The following FRMD5 variants were observed in gnomAD, a reference collection of about 807,000 sequenced individuals.
FRMD5 encodes the protein FERM domain containing 5.
A neutral mutation model predicts 69.0 loss-of-function variants in FRMD5; 20 were observed. That is an observed-to-expected ratio of 0.29 (90% confidence interval 0.20 to 0.42). FRMD5 has a LOEUF of 0.42. FRMD5 is among the 10% of genes least tolerant of loss of function. The pLI is 1.00. For synonymous variants in FRMD5, 271 were observed against 260.1 expected, an observed-to-expected ratio of 1.04 and a Z score of -0.40; for missense variants, 595 against 708.6, an observed-to-expected ratio of 0.84 and a Z score of 1.82.
chr15:44,057,406 G>A (rs1338044307), intron 1 of FRMD5, among the ~76,000 whole-genome samples: 1 of 152,148 alleles, frequency 6.6e-6, no homozygotes, highest in Non-Finnish European at 1.5e-5. Context: ...ACGCCTGGCT[G>A]AACTGTTCTA....
rs537273432 is a variant in FRMD5, at chr15:44,134,752, G to A, written c.102+60201C>T. ...GGCACGAGCCAACGCGCCCAGCCCCGAGAGGTGTACTTTAGCTAGTCAGTG... is the reference window on the plus strand; with the variant it reads ...GGCACGAGCCAACGCGCCCAGCCCCAAGAGGTGTACTTTAGCTAGTCAGTG... On this transcript the variant is annotated intron_variant, in intron 1 of 13. Coordinates refer to ENST00000417257, the MANE Select transcript of FRMD5 (RefSeq NM_032892.5). Among the ~76,000 whole-genome samples the A allele has an allele frequency of 1.2e-4, 19 of 152,154 alleles. No homozygotes were observed. In the East Asian group the frequency reaches 1.9e-3, roughly 15 times the overall value.
Position 43,909,862 on chromosome 15 carries a change from A to T in FRMD5, c.427+20T>A, listed in dbSNP as rs768582107. On this transcript the variant is annotated intron_variant, in intron 5 of 13. Transcript: ENST00000417257. ...AGTACTTGGCATGAAAAGCAAACTT[A>T]TCCTGTCAAAAGTCATTACCTTGAA... 1 of 1,497,670 alleles carries T rather than the reference A, an allele frequency of 6.7e-7. No homozygotes were observed. Among genetic ancestry groups the T allele is most frequent in the Non-Finnish European group, 9.3e-7 (1 of 1,077,136 alleles). 92.8% of individuals were successfully genotyped at this position (1,497,670 alleles called of 1,614,324 possible).
At chr15:43,970,183 T>C (rs770147094) in intron 1 of FRMD5, among the ~76,000 whole-genome samples, 3 of 152,244 alleles carry the variant, frequency 2.0e-5, no homozygotes, top group Non-Finnish European at 4.4e-5. Flanking sequence ...GATAAATCTC[T>C]ATTCTCAGAA....
chr15:44,156,197 G>A (rs1460854273), intron 1 of FRMD5, among the ~76,000 whole-genome samples: 1 of 152,034 alleles, frequency 6.6e-6, no homozygotes, highest in African/African-American at 2.4e-5. Flanking sequence ...AGACAGGAGT[G>A]CAGTGGCATG....
chr15:43,889,020 C>A, intron 8 of FRMD5, 148 bp from the exon 9 acceptor site: 1 of 663,982 alleles, frequency 1.5e-6, no homozygotes, highest in Non-Finnish European at 2.7e-6. Context: ...AAGACAGCAG[C>A]GCAGTGGCCT....
chr15:44,026,501 T>C (rs544013626), intron 1 of FRMD5, among the ~76,000 whole-genome samples: 2 of 152,374 alleles, frequency 1.3e-5, no homozygotes, highest in East Asian at 3.9e-4. Flanking sequence ...AAAAGTGATT[T>C]GGCCCTACAT....
intron 1 of FRMD5, among the ~76,000 whole-genome samples, chr15:44,077,311 G>T (rs1466408085): frequency 6.6e-6 from 1 of 151,996 alleles, no homozygotes; most frequent in South Asian, 2.1e-4. Flanking sequence ...TCTGGAGTAG[G>T]AATATTACTA....
At position 44,189,734 on chromosome 15, in the gene FRMD5, C is replaced by T. The variant is rs537532836; in HGVS notation, c.102+5219G>A. Among the ~76,000 whole-genome samples, 7 of 152,186 alleles carry T rather than the reference C, an allele frequency of 4.6e-5. No homozygotes were observed. The South Asian group carries it at 1.0e-3, about 23-fold the overall frequency. On this transcript the variant is annotated intron_variant, in intron 1 of 13. Transcript: ENST00000417257. ...CTCAAACTCCTGATCTCAAGTGATC[C>T]TCCCACCTCAGCCTACCAAATTGCC...
intron 1 of FRMD5, among the ~76,000 whole-genome samples, chr15:44,058,603 A>G (rs969361763): frequency 1.3e-5 from 2 of 152,026 alleles, no homozygotes; most frequent in Non-Finnish European, 2.9e-5. Context: ...TGGCTAACAC[A>G]GTGAAACCCC....
At position 44,143,924 on chromosome 15, in the gene FRMD5, C is replaced by CA. The variant is rs58823511; in HGVS notation, c.102+51028dup. ...GGGCGACAGACTGAGACTCTGTCAC[C>CA]AAAAAAAAAAAAAAAAAAGGAAAAG... On this transcript the variant is annotated intron_variant, in intron 1 of 13. Transcript: ENST00000417257. Among the ~76,000 whole-genome samples the CA allele has an allele frequency of 8.8e-3, 812 of 92,696 alleles. 27 individuals are homozygous for CA. Among genetic ancestry groups the CA allele is most frequent in the African/African-American group, 0.031 (744 of 23,926 alleles). 60.8% of individuals were successfully genotyped at this position (92,696 alleles called of 152,430 possible).
intron 1 of FRMD5, among the ~76,000 whole-genome samples, chr15:43,979,906 G>T (rs2090522343): frequency 6.6e-6 from 1 of 152,196 alleles, no homozygotes. Context: ...GGGCGATGCT[G>T]TGAAAATAAA....
chr15:43,918,062 C>A (rs868826677), intron 4 of FRMD5, among the ~76,000 whole-genome samples: 3 of 152,216 alleles, frequency 2.0e-5, no homozygotes, highest in Non-Finnish European at 2.9e-5. Context: ...CTCCTCTCCC[C>A]ATTTCCTGAT....
intron 1 of FRMD5, among the ~76,000 whole-genome samples, chr15:44,068,071 A>G (rs145006697): frequency 1.3e-5 from 2 of 152,318 alleles, no homozygotes; most frequent in African/African-American, 4.8e-5. Context: ...AAAAACACAA[A>G]TGGACATAAT....
At chr15:43,996,715 A>ATTTTTT (rs11397296) in intron 1 of FRMD5, among the ~76,000 whole-genome samples, 163 of 86,016 alleles carry the variant, frequency 1.9e-3, no homozygotes, top group East Asian at 2.9e-3. Context: ...TCCTCAGCTG[A>ATTTTTT]TTTTTTTTTT....
intron 1 of FRMD5, among the ~76,000 whole-genome samples, chr15:43,997,392 G>A (rs1008641852): frequency 7.9e-5 from 12 of 152,108 alleles, no homozygotes; most frequent in African/African-American, 2.4e-4. Context: ...GAACAAAAAC[G>A]GATCAAGCTC....
At chr15:44,016,672 G>A (rs1197952444) in intron 1 of FRMD5, among the ~76,000 whole-genome samples, 1 of 151,344 alleles carries the variant, frequency 6.6e-6, no homozygotes, top group South Asian at 2.1e-4. Flanking sequence ...GCAGTGAGCC[G>A]AGATTACACC....
intron 1 of FRMD5, among the ~76,000 whole-genome samples, chr15:43,926,263 C>A (rs778032475): frequency 1.3e-5 from 2 of 152,200 alleles, no homozygotes; most frequent in Non-Finnish European, 2.9e-5. Context: ...CTGGAGCCTG[C>A]ACAGCATCCA....
Position 44,124,924 on chromosome 15 carries a change from G to GACC in FRMD5, c.102+70026_102+70028dup, listed in dbSNP as rs1229749915. ...AGATCGCTTGAGCCCAGGAGTTCCAGACCAGCCTGGGCAATATAGTGAGAT... is the reference window on the plus strand; with the variant it reads ...AGATCGCTTGAGCCCAGGAGTTCCAGACCACCAGCCTGGGCAATATAGTGAGAT... On this transcript the variant is annotated intron_variant, in intron 1 of 13. Transcript: ENST00000417257. Among the ~76,000 whole-genome samples, 3 of 152,130 alleles carry GACC rather than the reference G, an allele frequency of 2.0e-5. No individual in the cohort carries two copies. The East Asian group carries it at 5.8e-4, about 29-fold the overall frequency.
At chr15:44,015,093 G>T (rs1247660951) in intron 1 of FRMD5, among the ~76,000 whole-genome samples, 1 of 150,438 alleles carries the variant, frequency 6.6e-6, no homozygotes, top group Non-Finnish European at 1.5e-5. Flanking sequence ...TTAGGACTAG[G>T]AATTTTTAAA....
Sources: allele counts gnomAD v4.1 joint callset (sites outside exome capture counted in the v4.1 genomes callset), GRCh38; gene constraint gnomAD v4.1.1; transcripts MANE v1.5; gene names NCBI Gene and HGNC (gene_info 2026-07-23, HGNC 2026-07-21).